KRT2: variants seen among roughly 807,000 people sequenced by gnomAD.
KRT2 encodes the protein keratin, type II cytoskeletal 2 epidermal.
In KRT2, 37 loss-of-function variants were observed where a neutral mutation model predicts 48.5. The ratio of observed to expected loss-of-function variants is 0.76; its 90% CI spans 0.59 to 1.00. The LOEUF (loss-of-function observed/expected upper bound fraction) is 1.00, where lower values mean the gene tolerates loss of function less well. KRT2 is among the 50% of genes least tolerant of loss of function. KRT2 has a pLI of 0.00. For synonymous variants in KRT2, 324 were observed against 312.2 expected (o/e 1.04, Z -0.40); for missense variants, 880 against 815.2 (o/e 1.08, Z -0.97).
At chr12:52,648,380 C>T in intron 4 of KRT2, 43 bp from the exon 5 acceptor site, 1 of 1,569,884 alleles carries the variant, frequency 6.4e-7, no homozygotes, top group Non-Finnish European at 8.8e-7. Context: ...CCTGCCATAG[C>T]TACAGGCAGA....
chr12:52,648,050 T>C lies in KRT2; in HGVS notation c.1122+123A>G, dbSNP rs1941194804. On this transcript the variant is annotated intron_variant, in intron 5 of 8. Transcript: ENST00000309680. ...TGGTGCCATTCTCAACATCCTTTCT[T>C]GGGAATGGTGCCCAACTACCATTAA... 12 of 1,284,384 alleles carry C rather than the reference T, an allele frequency of 9.3e-6. No individual in the cohort carries two copies. In the South Asian group the frequency reaches 1.4e-4, roughly 15 times the overall value. The allele number at this position is 1,284,384 out of a possible 1,614,324, so 79.6% of individuals were successfully genotyped here.
chr12:52,652,112 C>T lies in KRT2; in HGVS notation c.31G>A (p.Gly11Arg). 6.4e-7 allele frequency: 1 copy of T among 1,567,162 alleles called. No individual in the cohort carries two copies. Among genetic ancestry groups the T allele is most frequent in the Non-Finnish European group, 8.6e-7 (1 of 1,162,240 alleles). Residue 11 changes from glycine (G) to arginine (R), a missense_variant, in exon 1 of 9, where the codon GGA becomes AGA. Transcript: ENST00000309680. Reference protein sequence around the residue: MSCQISCKSRGRGGGGGGFRG... With the variant: MSCQISCKSRRRGGGGGGFRG... ...AATCCTCCTCCACCTCCTCCTCTTC[C>T]TCGAGATTTGCAAGAGATCTGACAA...
chr12:52,648,888 C>T lies in KRT2; in HGVS notation c.957+119G>A, dbSNP rs192681115. 5.5e-6 allele frequency: 4 copies of T among 733,338 alleles called. No individual in the cohort carries two copies. In the East Asian group the frequency reaches 1.0e-4, roughly 19 times the overall value. The allele number at this position is 733,338 out of a possible 1,614,324, so 45.4% of individuals were successfully genotyped here. A position where few individuals can be genotyped will look rare whatever the true frequency, so the allele number is the denominator to read the frequency against. On this transcript the variant is annotated intron_variant, in intron 4 of 8. Coordinates refer to ENST00000309680, the MANE Select transcript of KRT2 (RefSeq NM_000423.3). ...CCCCCCCAGTGGCCTGGAATGATGGCAGATTGAAGTCAGCTGGTCCATAAA... is the reference window on the plus strand; with the variant it reads ...CCCCCCCAGTGGCCTGGAATGATGGTAGATTGAAGTCAGCTGGTCCATAAA...
chr12:52,648,150 C>T (rs377717292), intron 5 of KRT2, 23 bp downstream of exon 5: 45 of 1,613,522 alleles, frequency 2.8e-5, no homozygotes, highest in Non-Finnish European at 3.6e-5. Flanking sequence ...AGCTGTGGCT[C>T]TTCCTACATT....
rs981307678 is a variant in KRT2, at chr12:52,647,864, G to T, written c.1123-9C>A. ...ACCTGGAGCTCCTCATACTGATATG[G>T]GGAGAAGAGGACAGTTTGCAAGGAA... On this transcript the variant is annotated splice_polypyrimidine_tract_variant and intron_variant, in intron 5 of 8. Coordinates refer to ENST00000309680, the MANE Select transcript of KRT2 (RefSeq NM_000423.3). 1.2e-6 allele frequency: 2 copies of T among 1,613,910 alleles called. No homozygotes were observed. Among genetic ancestry groups the T allele is most frequent in the Non-Finnish European group, 1.7e-6 (2 of 1,179,870 alleles).
chr12:52,644,997 C>G lies in KRT2; in HGVS notation c.*22G>C, dbSNP rs1376282704. ...GTGGGAGAGTCTGGGTTGGGAGAGTCGGTGGTGGTGGGGGCTCATCTTTAT... is the reference window on the plus strand; with the variant it reads ...GTGGGAGAGTCTGGGTTGGGAGAGTGGGTGGTGGTGGGGGCTCATCTTTAT... On this transcript the variant is annotated 3_prime_UTR_variant, in exon 9 of 9. Coordinates refer to ENST00000309680, the MANE Select transcript of KRT2 (RefSeq NM_000423.3). 1.2e-6 allele frequency: 2 copies of G among 1,613,396 alleles called. No individual in the cohort carries two copies. The highest frequency in any genetic ancestry group is 1.3e-5 in the African/African-American group (1 of 74,848).
Position 52,651,902 on chromosome 12 carries a change from C to A in KRT2, c.241G>T (p.Gly81Cys). ...AATCCACCAGCGGCGCCAAAGCCAC[C>A]ACCTCCTCCAGCCACACTAATGGAG... Reference protein sequence around the residue: ...SISISVAGGGGGFGAAGGFGG... With the variant: ...SISISVAGGGCGFGAAGGFGG... The change falls in exon 1 of 9, where the codon GGT (glycine) becomes TGT (cysteine). Residue 81 changes from glycine (G) to cysteine (C), a missense_variant. Gly to Cys is a radical substitution (Grantham distance 159). Coordinates refer to ENST00000309680, the MANE Select transcript of KRT2 (RefSeq NM_000423.3). The A allele has an allele frequency of 6.2e-7, 1 of 1,611,068 alleles. No individual in the cohort carries two copies. The highest frequency in any genetic ancestry group is 1.7e-5 in the Admixed American group (1 of 59,874).
intron 5 of KRT2, 88 bp downstream of exon 5, chr12:52,648,085 C>T (rs1485430155): frequency 6.8e-7 from 1 of 1,477,468 alleles, no homozygotes; most frequent in Non-Finnish European, 9.5e-7. Flanking sequence ...AACAAAAAAC[C>T]AATAACCTTA....
At chr12:52,648,925 C>G (rs1941208454) in intron 4 of KRT2, 82 bp downstream of exon 4, 2 of 927,806 alleles carry the variant, frequency 2.2e-6, no homozygotes, top group Non-Finnish European at 3.6e-6. Context: ...CCCACTTCTG[C>G]CACTTTTTCA....
At chr12:52,645,504 C>T (rs368927617) in intron 8 of KRT2, 31 bp downstream of exon 8, 5 of 1,613,908 alleles carry the variant, frequency 3.1e-6, no homozygotes, top group East Asian at 2.2e-5. Flanking sequence ...ACACAACACC[C>T]CATGGAACAG....
In KRT2 at chr12:52,651,733, C is replaced by G; in HGVS notation, c.410G>C (p.Gly137Ala). ...GGPGGVGGLG[G>A]PGGFGPGGYP... is the part of the protein sequence containing the mutation. ...TCCTCCAGGCCCAAAGCCACCAGGA[C>G]CCCCTAAACCTCCAACACCACCAGG... The change falls in exon 1 of 9, where the codon GGT becomes GCT. Residue 137 changes from glycine to alanine, a missense_variant. By Grantham distance (60) the Gly-to-Ala change is moderately conservative (BLOSUM62 0). Transcript: ENST00000309680. 4 of 1,614,050 alleles carry G rather than the reference C, an allele frequency of 2.5e-6. No individual in the cohort carries two copies. Among genetic ancestry groups the G allele is most frequent in the Non-Finnish European group, 3.4e-6 (4 of 1,179,992 alleles).
chr12:52,648,862 G>GC (rs761499013), intron 4 of KRT2, 145 bp downstream of exon 4: 21 of 691,582 alleles, frequency 3.0e-5, no homozygotes, highest in African/African-American at 1.8e-5. Context: ...TGCTATGAAA[G>GC]CCCCCCCAGT....
chr12:52,644,718 C>T lies in KRT2; in HGVS notation c.*301G>A, dbSNP rs886049628. On this transcript the variant is annotated 3_prime_UTR_variant, in exon 9 of 9. Coordinates refer to ENST00000309680, the MANE Select transcript of KRT2 (RefSeq NM_000423.3). ...GGGCCTGGGTCCTCAACAGAATACA[C>T]ATCTGGAAAATGGGCAATGCAAAGA... The T allele has an allele frequency of 1.5e-5, 7 of 459,554 alleles. No homozygotes were observed. The Middle Eastern group carries it at 1.9e-3, about 122-fold the overall frequency. 28.5% of individuals were successfully genotyped at this position (459,554 alleles called of 1,614,324 possible).
At chr12:52,647,364 T>C (rs1381259448) in intron 6 of KRT2, among the ~76,000 whole-genome samples, 1 of 152,210 alleles carries the variant, frequency 6.6e-6, no homozygotes, top group Non-Finnish European at 1.5e-5. Context: ...TGCCCCTCTA[T>C]GAAACCAGTC....
chr12:52,648,336 T>C lies in KRT2; in HGVS notation c.959A>G (p.Glu320Gly), dbSNP rs1228470946. The change falls in exon 5 of 9, where the codon GAG (glutamate) becomes GGG (glycine). Residue 320 changes from glutamate to glycine, a missense_variant and splice_region_variant. Glu to Gly is a moderately conservative substitution (Grantham distance 98). Coordinates refer to ENST00000309680, the MANE Select transcript of KRT2 (RefSeq NM_000423.3). ...IEFLKVLYDA[E>G]ISQIHQSVTD... The stretch of plus-strand genomic sequence containing the variant: ...GACACTCTGATGTATCTGGGATATC[T>C]CCTACAACACACAGGAAGGTCTGGT... The C allele has an allele frequency of 6.2e-7, 1 of 1,613,740 alleles. No individual in the cohort carries two copies. The highest frequency in any genetic ancestry group is 1.3e-5 in the African/African-American group (1 of 74,888).
rs570466628 is a variant in KRT2, at chr12:52,646,958, A to C, written c.1251T>G (p.Cys417Trp). Residue 417 changes from cysteine to tryptophan, a missense_variant and splice_region_variant, in exon 7 of 9, where the codon TGT becomes TGG. Coordinates refer to ENST00000309680, the MANE Select transcript of KRT2 (RefSeq NM_000423.3). The part of the protein sequence containing the change: ...QGEIAHVKKQ[C>W]KNVQDAIADA... ...CTGCGATGGCATCTTGCACATTCTTACACTATGACAGAAGGACAGAGAATG... is the reference window on the plus strand; with the variant it reads ...CTGCGATGGCATCTTGCACATTCTTCCACTATGACAGAAGGACAGAGAATG... The C allele has an allele frequency of 6.2e-7, 1 of 1,613,604 alleles. No homozygotes were observed. The highest frequency in any genetic ancestry group is 1.7e-5 in the Admixed American group (1 of 60,026).
At chr12:52,645,507 T>C (rs1271077364) in intron 8 of KRT2, 28 bp downstream of exon 8, 1 of 1,614,130 alleles carries the variant, frequency 6.2e-7, no homozygotes, top group Admixed American at 1.7e-5. Context: ...CAACACCCCA[T>C]GGAACAGGAC....
Position 52,644,668 on chromosome 12 carries a change from A to C in KRT2, c.*351T>G. On this transcript the variant is annotated 3_prime_UTR_variant, in exon 9 of 9. Transcript: ENST00000309680. ...AAACACATTTCCCCCCAGCACTGCCAGGCTTAGAGATGAAATCCCTGGATG... is the reference window on the plus strand; with the variant it reads ...AAACACATTTCCCCCCAGCACTGCCCGGCTTAGAGATGAAATCCCTGGATG... 2.8e-6 allele frequency: 1 copy of C among 354,686 alleles called. No individual in the cohort carries two copies. Among genetic ancestry groups the C allele is most frequent in the Non-Finnish European group, 5.2e-6 (1 of 190,484 alleles). The allele number at this position is 354,686 out of a possible 1,614,324, so 22.0% of individuals were successfully genotyped here. A position where few individuals can be genotyped will look rare whatever the true frequency, so the allele number is the denominator to read the frequency against.
intron 3 of KRT2, 72 bp from the exon 4 acceptor site, chr12:52,649,174 C>T: frequency 1.1e-6 from 1 of 920,408 alleles, no homozygotes; most frequent in South Asian, 1.3e-5. Flanking sequence ...CCACTCCCCT[C>T]TACTCAGTCC....
Sources: allele counts gnomAD v4.1 joint callset (sites outside exome capture counted in the v4.1 genomes callset), GRCh38; gene constraint gnomAD v4.1.1; transcripts MANE v1.5; gene names NCBI Gene and HGNC (gene_info 2026-07-23, HGNC 2026-07-21).